MGMT: variants seen among roughly 807,000 people sequenced by gnomAD.
MGMT encodes the protein methylated-DNA--protein-cysteine methyltransferase.
MGMT carries 14 observed loss-of-function variants against 15.9 expected under a neutral mutation model. The ratio of observed to expected loss-of-function variants is 0.88; its 90% CI spans 0.58 to 1.37. The LOEUF is 1.37. Ranked by LOEUF, MGMT falls within the 40% of genes most tolerant of loss-of-function variation. The pLI, the probability that MGMT is intolerant of heterozygous loss-of-function variation, is 0.00. For missense variants in MGMT, 282 were observed against 268.1 expected (o/e 1.05, Z -0.36); for synonymous variants, 130 against 118.2 (o/e 1.10, Z -0.65).
At chr10:129,682,077 C>T (rs1019308853) in intron 2 of MGMT, among the ~76,000 whole-genome samples, 1 of 152,122 alleles carries the variant, frequency 6.6e-6, no homozygotes, top group African/African-American at 2.4e-5. Flanking sequence ...ACTCGGAGAC[C>T]ACGTGGCCAC....
chr10:129,567,744 T>C (rs1406683754), intron 2 of MGMT, among the ~76,000 whole-genome samples: 1 of 152,224 alleles, frequency 6.6e-6, no homozygotes, highest in African/African-American at 2.4e-5. Flanking sequence ...AATGATGATA[T>C]ACAAATCACT....
At chr10:129,498,787 A>T (rs994415393) in intron 1 of MGMT, among the ~76,000 whole-genome samples, 1 of 152,090 alleles carries the variant, frequency 6.6e-6, no homozygotes, top group Non-Finnish European at 1.5e-5. Context: ...TCTTCCTTTT[A>T]GCTGGAGGAT....
In MGMT at chr10:129,577,232, A is replaced by G. The variant is rs551250841; in HGVS notation, c.125+40855A>G. 6.6e-5 allele frequency among the ~76,000 whole-genome samples: 10 copies of G among 152,238 alleles called. 1 individual carries two copies. The South Asian group carries it at 2.1e-3, about 32-fold the overall frequency. On this transcript the variant is annotated intron_variant, in intron 2 of 4. Coordinates refer to ENST00000651593, the MANE Select transcript of MGMT (RefSeq NM_002412.5). ...AAAAAGAGCCCACATTGCCAAGTCAATCCTAAGCCAAAAGAACAAAGCTGG... is the reference window on the plus strand; with the variant it reads ...AAAAAGAGCCCACATTGCCAAGTCAGTCCTAAGCCAAAAGAACAAAGCTGG...
intron 1 of MGMT, among the ~76,000 whole-genome samples, chr10:129,514,749 A>C (rs1271459500): frequency 6.6e-6 from 1 of 152,192 alleles, no homozygotes; most frequent in African/African-American, 2.4e-5. Flanking sequence ...ATCTGCGAGG[A>C]AGTGGGGCCT....
chr10:129,609,938 A>G (rs1407267799), intron 2 of MGMT, among the ~76,000 whole-genome samples: 1 of 152,188 alleles, frequency 6.6e-6, no homozygotes, highest in African/African-American at 2.4e-5. Flanking sequence ...GTGCAGAAGC[A>G]TCGAGATGCC....
At chr10:129,671,685 T>G (rs1352942644) in intron 2 of MGMT, among the ~76,000 whole-genome samples, 4 of 152,244 alleles carry the variant, frequency 2.6e-5, no homozygotes, top group Non-Finnish European at 5.9e-5. Context: ...ACTGTTACAT[T>G]TTGAATAGCT....
rs144618845 is a variant in MGMT at position 129,709,254 on chromosome 10, A to G, written c.274+1211A>G. Among the ~76,000 whole-genome samples the G allele has an allele frequency of 2.8e-3, 424 of 152,232 alleles. 1 individual carries two copies. The highest frequency in any genetic ancestry group is 9.1e-3 in the African/African-American group (380 of 41,550). On this transcript the variant is annotated intron_variant, in intron 3 of 4. Transcript: ENST00000651593. The stretch of plus-strand genomic sequence containing the variant: ...CCACCAATGGGCTGCTGCCAGGACA[A>G]AGGCACTACCAAAGCCTCCTGGGCT...
intron 2 of MGMT, among the ~76,000 whole-genome samples, chr10:129,596,256 C>T (rs932982380): frequency 6.6e-6 from 1 of 152,130 alleles, no homozygotes; most frequent in Non-Finnish European, 1.5e-5. Flanking sequence ...TCTACCATCC[C>T]AGCCCCCTCC....
At chr10:129,743,525 C>T (rs2133173907) in intron 3 of MGMT, among the ~76,000 whole-genome samples, 1 of 152,282 alleles carries the variant, frequency 6.6e-6, no homozygotes, top group South Asian at 2.1e-4. Flanking sequence ...TTCACCAACT[C>T]AGTCTGTCCC....
chr10:129,660,389 C>T (rs1847582298), intron 2 of MGMT, among the ~76,000 whole-genome samples: 1 of 152,068 alleles, frequency 6.6e-6, no homozygotes, highest in Admixed American at 6.5e-5. Context: ...TGTGGGGGAG[C>T]ACCTTGGGGA....
At chr10:129,653,929 C>G (rs1847493789) in intron 2 of MGMT, among the ~76,000 whole-genome samples, 1 of 152,066 alleles carries the variant, frequency 6.6e-6, no homozygotes, top group Non-Finnish European at 1.5e-5. Flanking sequence ...GTCAAGGGGC[C>G]AGGTGGAGCC....
intron 2 of MGMT, among the ~76,000 whole-genome samples, chr10:129,541,385 G>A (rs568410572): frequency 2.6e-4 from 40 of 152,346 alleles, no homozygotes; most frequent in African/African-American, 9.1e-4. Flanking sequence ...CAGCTCCCCC[G>A]CGCCATCTTC....
At chr10:129,484,935 A>G (rs1255354939) in intron 1 of MGMT, among the ~76,000 whole-genome samples, 2 of 151,832 alleles carry the variant, frequency 1.3e-5, no homozygotes, top group Non-Finnish European at 2.9e-5. Context: ...TGTATTATAT[A>G]TATGTATGTG....
chr10:129,600,582 C>T (rs1846808798), intron 2 of MGMT, among the ~76,000 whole-genome samples: 1 of 152,222 alleles, frequency 6.6e-6, no homozygotes, highest in African/African-American at 2.4e-5. Flanking sequence ...TTTCTTTGCT[C>T]ATTGAGCTAG....
intron 1 of MGMT, among the ~76,000 whole-genome samples, chr10:129,470,646 T>C (rs1845220065): frequency 1.3e-5 from 2 of 152,194 alleles, no homozygotes. Flanking sequence ...AAGCCAGTCC[T>C]CAGCAGCCTG....
chr10:129,629,249 A>G (rs1236383251), intron 2 of MGMT, among the ~76,000 whole-genome samples: 1 of 152,250 alleles, frequency 6.6e-6, no homozygotes, highest in East Asian at 1.9e-4. Context: ...AACATGCCTT[A>G]TAAACCCTTA....
Position 129,556,408 on chromosome 10 carries a change from G to A in MGMT, c.125+20031G>A, listed in dbSNP as rs1846214473. Among the ~76,000 whole-genome samples the A allele has an allele frequency of 6.6e-6, 1 of 152,168 alleles. No homozygotes were observed. Among genetic ancestry groups the A allele is most frequent in the South Asian group, 2.1e-4 (1 of 4,828 alleles). The stretch of plus-strand genomic sequence containing the variant: ...GACACACGGAGGGATGGCCACGTGA[G>A]GACCCTGGGAGAAGGCTGCCTTCTG... On this transcript the variant is annotated intron_variant, in intron 2 of 4. Transcript: ENST00000651593. This position sits in a 1 kb window ranked among gnomAD's most constrained non-coding sequence, Gnocchi z 4.3.
intron 1 of MGMT, among the ~76,000 whole-genome samples, chr10:129,478,817 C>T (rs1348858098): frequency 6.6e-6 from 1 of 152,224 alleles, no homozygotes; most frequent in Non-Finnish European, 1.5e-5. Context: ...GTTCTGCTTC[C>T]TGTAGTGCTC....
In MGMT at chr10:129,509,220, G is replaced by T. The variant is rs541298401; in HGVS notation, c.-12-27021G>T. ...CTCAGAAGTGCCTGGAATCTATATT[G>T]CTTTAAGGTGTGGGATGAAGTTTCC... On this transcript the variant is annotated intron_variant, in intron 1 of 4. Coordinates refer to ENST00000651593, the MANE Select transcript of MGMT (RefSeq NM_002412.5). Among the ~76,000 whole-genome samples the T allele has an allele frequency of 1.4e-4, 22 of 152,310 alleles. No individual in the cohort carries two copies. In the South Asian group the frequency reaches 4.6e-3, roughly 32 times the overall value.
Sources: gnomAD v4.1 joint callset for allele counts (sites outside exome capture counted in the v4.1 genomes callset) on GRCh38, gnomAD v4.1.1 for gene constraint, Gnocchi (gnomAD v3.1) non-coding constraint, MANE v1.5 for transcripts, NCBI Gene and HGNC (gene_info 2026-07-23, HGNC 2026-07-21) for gene names.